Variants in PLCE1 observed in about 807,000 individuals in gnomAD.
PLCE1 encodes the protein 1-phosphatidylinositol 4,5-bisphosphate phosphodiesterase epsilon-1.
PLCE1 carries 119 observed loss-of-function variants against 242.8 expected under a neutral mutation model. That is an observed-to-expected ratio of 0.49 (90% confidence interval 0.42 to 0.57). The LOEUF (loss-of-function observed/expected upper bound fraction) is 0.57. Among genes scored for constraint, PLCE1 ranks in the 20% least tolerant of loss-of-function variants. The probability of loss-of-function intolerance (pLI) is 0.00; values close to 1 mark genes in which losing one functional copy is unlikely to be tolerated. For synonymous variants in PLCE1, 945 were observed against 1,017.4 expected (o/e 0.93, Z 1.35); for missense variants, 2,441 against 2,788.8 (o/e 0.88, Z 2.81).
intron 1 of PLCE1, among the ~76,000 whole-genome samples, chr10:94,009,913 C>T (rs1263269991): frequency 1.3e-5 from 2 of 152,220 alleles, no homozygotes; most frequent in Non-Finnish European, 2.9e-5. Flanking sequence ...GGTGGCTCTA[C>T]CATTCTGGGG....
intron 24 of PLCE1, 145 bp from the exon 25 acceptor site, chr10:94,304,337 T>C: frequency 1.3e-6 from 1 of 772,810 alleles, no homozygotes; most frequent in East Asian, 2.5e-5. Flanking sequence ...TATCAATCTG[T>C]GGGACGAATG....
chr10:94,118,213 C>G (rs1258571628), intron 2 of PLCE1, among the ~76,000 whole-genome samples: 2 of 151,114 alleles, frequency 1.3e-5, no homozygotes, highest in African/African-American at 4.9e-5. Context: ...TTTTTTTTCT[C>G]TTTTCTTTTT....
chr10:94,042,202 A>T (rs555031389), intron 2 of PLCE1, among the ~76,000 whole-genome samples: 1 of 152,212 alleles, frequency 6.6e-6, no homozygotes, highest in Admixed American at 6.5e-5. Context: ...TTTGGAATGA[A>T]TCTTGTGACT....
intron 2 of PLCE1, chr10:94,104,838 A>C (rs983853965): frequency 6.6e-6 from 1 of 152,220 alleles, no homozygotes; most frequent in South Asian, 2.1e-4. Flanking sequence ...TGTGGTTTAT[A>C]CTTTAGAACA....
At position 94,255,066 on chromosome 10, in the gene PLCE1, A is replaced by G; in HGVS notation, c.3554+17A>G. 2 of 1,613,302 alleles carry G rather than the reference A, an allele frequency of 1.2e-6. No homozygotes were observed. Among genetic ancestry groups the G allele is most frequent in the Non-Finnish European group, 1.7e-6 (2 of 1,179,328 alleles). On this transcript the variant is annotated intron_variant, in intron 11 of 32. Transcript: ENST00000371380. ...CCCATCCAGGTGGGGCCTTAACATG[A>G]TAAAACAGAAGGACCCTTCACATTA...
intron 4 of PLCE1, among the ~76,000 whole-genome samples, chr10:94,175,934 G>A (rs1416552114): frequency 5.9e-5 from 9 of 152,216 alleles, no homozygotes; most frequent in Non-Finnish European, 1.3e-4. Context: ...TTATATATAT[G>A]TGCTACATTT....
chr10:94,084,116 G>A (rs934458498), intron 2 of PLCE1, among the ~76,000 whole-genome samples: 2 of 152,200 alleles, frequency 1.3e-5, no homozygotes, highest in Admixed American at 6.5e-5. Flanking sequence ...TAAGGAGTGC[G>A]CTTCGACAAC....
intron 4 of PLCE1, among the ~76,000 whole-genome samples, chr10:94,185,352 C>T (rs1238789603): frequency 6.6e-6 from 1 of 152,156 alleles, no homozygotes; most frequent in Non-Finnish European, 1.5e-5. Flanking sequence ...AAAAATTAGC[C>T]AGGCATGGTA....
At chr10:94,186,889 G>A (rs919406296) in intron 4 of PLCE1, among the ~76,000 whole-genome samples, 7 of 152,254 alleles carry the variant, frequency 4.6e-5, no homozygotes, top group African/African-American at 1.7e-4. Flanking sequence ...GAGTGATGAT[G>A]AAGCTGCTGT....
chr10:94,190,140 C>T (rs1421566117), intron 4 of PLCE1, among the ~76,000 whole-genome samples: 9 of 152,114 alleles, frequency 5.9e-5, no homozygotes, highest in Middle Eastern at 6.8e-3. Flanking sequence ...AAGTTACAGG[C>T]GTGGTAGTGC....
At chr10:94,292,814 C>T (rs2052686266) in intron 22 of PLCE1, among the ~76,000 whole-genome samples, 2 of 152,226 alleles carry the variant, frequency 1.3e-5, no homozygotes, top group Admixed American at 6.5e-5. Flanking sequence ...CTCACTGGTG[C>T]CTTCAGCTCA....
Position 94,270,476 on chromosome 10 carries a change from G to T in PLCE1, c.4390-10G>T. 6.3e-7 allele frequency: 1 copy of T among 1,580,224 alleles called. No individual in the cohort carries two copies. The highest frequency in any genetic ancestry group is 8.7e-7 in the Non-Finnish European group (1 of 1,149,516). On this transcript the variant is annotated splice_polypyrimidine_tract_variant and intron_variant, in intron 17 of 32. Coordinates refer to ENST00000371380, the MANE Select transcript of PLCE1 (RefSeq NM_016341.4). Reference sequence around the variant, plus strand: ...ATCTGGACTCTAATGAGCTGTTTTGGCTCTCATAGGAAGTGGTTGAAGCCA... The same window carrying T: ...ATCTGGACTCTAATGAGCTGTTTTGTCTCTCATAGGAAGTGGTTGAAGCCA...
intron 2 of PLCE1, among the ~76,000 whole-genome samples, chr10:94,050,734 G>A (rs1175442010): frequency 6.6e-6 from 1 of 151,966 alleles, no homozygotes; most frequent in Non-Finnish European, 1.5e-5. Context: ...TAATTATCTA[G>A]CACATATGAA....
intron 1 of PLCE1, among the ~76,000 whole-genome samples, chr10:94,018,032 C>T (rs1005131683): frequency 2.0e-4 from 30 of 152,042 alleles, no homozygotes; most frequent in African/African-American, 6.0e-4. Flanking sequence ...TTTCATCTTA[C>T]GAGTTTTTAA....
intron 1 of PLCE1, among the ~76,000 whole-genome samples, chr10:94,000,183 A>G (rs1258156428): frequency 6.6e-6 from 1 of 152,232 alleles, no homozygotes; most frequent in African/African-American, 2.4e-5. Context: ...CTCTATTGTT[A>G]GACAAAGAGA....
At chr10:94,225,754 A>G (rs1400280080) in intron 4 of PLCE1, among the ~76,000 whole-genome samples, 2 of 152,250 alleles carry the variant, frequency 1.3e-5, no homozygotes, top group African/African-American at 4.8e-5. Context: ...CCCATGAGCC[A>G]TAGATTCTCG....
At chr10:94,050,256 A>G (rs755710925) in intron 2 of PLCE1, among the ~76,000 whole-genome samples, 5 of 152,200 alleles carry the variant, frequency 3.3e-5, no homozygotes, top group Non-Finnish European at 5.9e-5. Flanking sequence ...GAAACTTACA[A>G]TCAGGCGGAA....
intron 4 of PLCE1, among the ~76,000 whole-genome samples, chr10:94,200,066 G>T (rs979912230): frequency 1.3e-5 from 2 of 152,194 alleles, no homozygotes; most frequent in Non-Finnish European, 2.9e-5. Flanking sequence ...AATTCTTAGT[G>T]TGTTACAAAG....
chr10:94,320,080 C>T (rs2053735614), intron 29 of PLCE1, among the ~76,000 whole-genome samples: 1 of 151,954 alleles, frequency 6.6e-6, no homozygotes, highest in Admixed American at 6.6e-5. Flanking sequence ...TTCTTGCCTC[C>T]TGGTTTGGGG....
Sources: allele counts gnomAD v4.1 joint callset (sites outside exome capture counted in the v4.1 genomes callset), GRCh38; gene constraint gnomAD v4.1.1; transcripts MANE v1.5; gene names NCBI Gene and HGNC (gene_info 2026-07-23, HGNC 2026-07-21).